ZFHX3: variants seen among roughly 807,000 people sequenced by gnomAD.
The protein encoded by ZFHX3 is zinc finger homeobox 3, also known as zinc finger homeobox protein 3.
Under a neutral mutation model 279.1 loss-of-function variants are expected in ZFHX3, and 42 were observed. The observed-to-expected ratio is 0.15, with a 90% confidence interval of 0.12 to 0.19. ZFHX3 has a LOEUF of 0.19. Ranked by LOEUF, ZFHX3 falls within the 10% of genes least tolerant of loss-of-function variation. ZFHX3 has a pLI of 1.00. For missense variants in ZFHX3, 4,981 were observed against 4,754.0 expected, an observed-to-expected ratio of 1.05 and a Z score of -1.40; for synonymous variants, 2,293 against 1,957.8, an observed-to-expected ratio of 1.17 and a Z score of -4.52.
At chr16:73,665,244 C>T (rs773290729) in intron 2 of ZFHX3, among the ~76,000 whole-genome samples, 9 of 142,434 alleles carry the variant, frequency 6.3e-5, no homozygotes, top group Non-Finnish European at 1.2e-4. Context: ...GACAGAGTCT[C>T]GCTCTGTTGC....
intron 2 of ZFHX3, among the ~76,000 whole-genome samples, chr16:73,644,397 T>C (rs560913044): frequency 1.3e-5 from 2 of 152,044 alleles, no homozygotes; most frequent in Admixed American, 1.3e-4. Context: ...CGGTGGCTCA[T>C]GCCTGTAATC....
intron 2 of ZFHX3, among the ~76,000 whole-genome samples, chr16:73,646,644 A>C (rs1363248231): frequency 6.6e-6 from 1 of 152,234 alleles, no homozygotes; most frequent in Non-Finnish European, 1.5e-5. Flanking sequence ...AGCCAAAATG[A>C]GATGTTACTT....
At chr16:72,916,758 T>C (rs1158679367) in intron 3 of ZFHX3, among the ~76,000 whole-genome samples, 3 of 152,190 alleles carry the variant, frequency 2.0e-5, no homozygotes, top group Non-Finnish European at 4.4e-5. Flanking sequence ...GGTAGATTGC[T>C]TAATAAACAT....
chr16:73,495,251 G>T (rs1184166508), intron 2 of ZFHX3, among the ~76,000 whole-genome samples: 1 of 152,148 alleles, frequency 6.6e-6, no homozygotes, highest in Non-Finnish European at 1.5e-5. Flanking sequence ...TTTGAAAAGC[G>T]AATAACCCTA....
chr16:73,843,458 G>A (rs1961364441), intron 1 of ZFHX3, among the ~76,000 whole-genome samples: 1 of 152,220 alleles, frequency 6.6e-6, no homozygotes, highest in African/African-American at 2.4e-5. Context: ...TGTGTCCTGT[G>A]AAACCCAGTA....
chr16:73,017,176 G>A (rs1239012748), intron 1 of ZFHX3, among the ~76,000 whole-genome samples: 8 of 151,730 alleles, frequency 5.3e-5, no homozygotes, highest in Non-Finnish European at 1.0e-4. Flanking sequence ...GAGGCTGCAT[G>A]GAGCTGTGAT....
At chr16:73,315,103 C>T (rs1597280016) in intron 4 of ZFHX3, among the ~76,000 whole-genome samples, 1 of 151,976 alleles carries the variant, frequency 6.6e-6, no homozygotes, top group African/African-American at 2.4e-5. Context: ...TGGGGTGCAC[C>T]TACAATCCCA....
At position 73,470,283 on chromosome 16, in the gene ZFHX3, T is replaced by C. The variant is rs140426632; in HGVS notation, c.-1546-14025A>G. ...ACTTATGCAAAGCTGTCTCGTCCTG[T>C]AATAAGCAAGCCCGTCCCGGACAGA... On this transcript the variant is annotated intron_variant, in intron 2 of 17. Transcript: ENST00000641206. Among the ~76,000 whole-genome samples the C allele has an allele frequency of 7.2e-5, 11 of 152,296 alleles. No individual in the cohort carries two copies. The East Asian group carries it at 2.1e-3, about 29-fold the overall frequency.
intron 2 of ZFHX3, among the ~76,000 whole-genome samples, chr16:73,668,640 C>CTTTT (rs111584639): frequency 1.4e-5 from 2 of 141,952 alleles, no homozygotes; most frequent in African/African-American, 5.1e-5. Flanking sequence ...TAAACTCATC[C>CTTTT]TTTTTTTTTT....
intron 1 of ZFHX3, among the ~76,000 whole-genome samples, chr16:73,745,812 T>C (rs448763): frequency 0.08 from 12,237 of 152,206 alleles, 1,223 homozygotes; most frequent in African/African-American, 0.24. Context: ...ATGTCTCTGG[T>C]GTCCTGACAA....
intron 7 of ZFHX3, among the ~76,000 whole-genome samples, chr16:72,802,855 AACAGAGCCCATTGAG>A (rs2036149218): frequency 6.6e-6 from 1 of 152,214 alleles, no homozygotes; most frequent in Non-Finnish European, 1.5e-5. Context: ...CAATCCTGCC[AACAGAGCCCATTGAG>A]GAGTCCTTCT....
intron 5 of ZFHX3, among the ~76,000 whole-genome samples, chr16:73,177,922 C>G (rs1967701581): frequency 6.6e-6 from 1 of 151,706 alleles, no homozygotes; most frequent in Non-Finnish European, 1.5e-5. Context: ...CTGCTGCGAA[C>G]AGGGGCTGCT....
At chr16:73,395,300 C>T (rs896935773) in intron 3 of ZFHX3, among the ~76,000 whole-genome samples, 4 of 152,118 alleles carry the variant, frequency 2.6e-5, no homozygotes, top group African/African-American at 9.7e-5. Context: ...CCTGTCTCTA[C>T]TAAAAATACA....
chr16:73,728,002 T>C (rs1457895968), intron 1 of ZFHX3, among the ~76,000 whole-genome samples: 1 of 128,026 alleles, frequency 7.8e-6, no homozygotes, highest in Non-Finnish European at 1.6e-5. Context: ...GTCCCTTTTA[T>C]GAGCCGAATT....
intron 1 of ZFHX3, among the ~76,000 whole-genome samples, chr16:72,990,247 G>A (rs895759886): frequency 6.6e-6 from 1 of 152,204 alleles, no homozygotes; most frequent in Non-Finnish European, 1.5e-5. Flanking sequence ...GGCAATTTCT[G>A]AGGTTTAAGA....
intron 2 of ZFHX3, among the ~76,000 whole-genome samples, chr16:73,497,716 G>C (rs1423088794): frequency 6.6e-6 from 1 of 152,128 alleles, no homozygotes; most frequent in Admixed American, 6.6e-5. Flanking sequence ...GGAATCCTGG[G>C]AACACCAGAA....
Position 73,196,079 on chromosome 16 carries a change from C to T in ZFHX3, c.-1103-52248G>A, listed in dbSNP as rs541636291. ...CCAGAAGCTGTAAAATTAATTTTGA[C>T]TTAGAAGTGTACTTTATCTAGGCTG... is the stretch of plus-strand genomic sequence containing the variant. On this transcript the variant is annotated intron_variant, in intron 5 of 17. Transcript: ENST00000641206. 2.0e-5 allele frequency among the ~76,000 whole-genome samples: 3 copies of T among 147,108 alleles called. No individual in the cohort carries two copies. The East Asian group carries it at 6.0e-4, about 29-fold the overall frequency.
intron 4 of ZFHX3, among the ~76,000 whole-genome samples, chr16:73,267,105 T>C (rs1285033326): frequency 6.6e-6 from 1 of 152,184 alleles, no homozygotes; most frequent in Non-Finnish European, 1.5e-5. Context: ...CGTGACAGCC[T>C]CAGGGCTGTG....
At chr16:73,261,482 AAAAAT>A (rs746289329) in intron 4 of ZFHX3, among the ~76,000 whole-genome samples, 53 of 152,268 alleles carry the variant, frequency 3.5e-4, no homozygotes, top group Non-Finnish European at 6.6e-4. Context: ...ATGAAGTATT[AAAAAT>A]AAAATACTAT....
Sources: gnomAD v4.1 joint callset for allele counts (sites outside exome capture counted in the v4.1 genomes callset) on GRCh38, gnomAD v4.1.1 for gene constraint, MANE v1.5 for transcripts, NCBI Gene and HGNC (gene_info 2026-07-23, HGNC 2026-07-21) for gene names.